NEO1: variants seen among roughly 807,000 people sequenced by gnomAD.
The protein encoded by NEO1 is neogenin.
NEO1 carries 63 observed loss-of-function variants against 159.7 expected under a neutral mutation model. The observed-to-expected ratio is 0.39, with a 90% CI of 0.32 to 0.49. The LOEUF is 0.49. Ranked by LOEUF, NEO1 falls within the 20% of genes least tolerant of loss-of-function variation. The pLI, the probability that NEO1 is intolerant of heterozygous loss-of-function variation, is 0.85. For missense variants in NEO1, 1,615 were observed against 1,831.0 expected, an observed-to-expected ratio of 0.88 and a Z score of 2.15; for synonymous variants, 633 against 662.0, an observed-to-expected ratio of 0.96 and a Z score of 0.67.
Position 73,064,618 on chromosome 15 carries a change from C to T in NEO1, c.130+11813C>T, listed in dbSNP as rs541806842. On this transcript the variant is annotated intron_variant, in intron 1 of 28. Transcript: ENST00000261908. ...TAGCTGGGACTACAGGTGCACACCA[C>T]CATGCCCAGCTAGTTTCTTAATTTT... 2.6e-5 allele frequency among the ~76,000 whole-genome samples: 4 copies of T among 152,230 alleles called. No individual in the cohort carries two copies. The East Asian group carries it at 7.7e-4, about 29-fold the overall frequency.
intron 18 of NEO1, among the ~76,000 whole-genome samples, chr15:73,271,541 T>G (rs776519819): frequency 6.6e-6 from 1 of 152,254 alleles, no homozygotes; most frequent in Non-Finnish European, 1.5e-5. Flanking sequence ...GCAGTATGTT[T>G]GCAGAATAAA....
intron 8 of NEO1, among the ~76,000 whole-genome samples, chr15:73,242,765 A>G (rs1621216): frequency 0.86 from 130,535 of 152,234 alleles, 57,045 homozygotes; most frequent in Non-Finnish European, 0.94. Flanking sequence ...GGTTGAGTAG[A>G]CTGAAAAGGA....
At position 73,052,714 on chromosome 15, in the gene NEO1, C is replaced by T. The variant is rs1334740309; in HGVS notation, c.39C>T (p.Thr13=). The change falls in exon 1 of 29, where the codon ACC becomes ACT. Residue 13 remains threonine (T), a synonymous_variant. Transcript: ENST00000261908. ...GGGGAGCCCGGCGACTCCTCAGCAC[C>T]CCCTCCTTCTGGCTCTACTGCCTGC... ...AERGARRLLS[T]PSFWLYCLLL... is the part of the protein sequence containing the mutation. 7.3e-7 allele frequency: 1 copy of T among 1,362,700 alleles called. No individual in the cohort carries two copies. The highest frequency in any genetic ancestry group is 9.5e-7 in the Non-Finnish European group (1 of 1,050,222). The allele number at this position is 1,362,700 out of a possible 1,614,324, so 84.4% of individuals were successfully genotyped here. A position where few individuals can be genotyped will look rare whatever the true frequency, so the allele number is the denominator to read the frequency against.
At chr15:73,241,527 A>G (rs2039486063) in intron 8 of NEO1, among the ~76,000 whole-genome samples, 1 of 152,192 alleles carries the variant, frequency 6.6e-6, no homozygotes, top group Non-Finnish European at 1.5e-5. Context: ...TTTAATACAT[A>G]AAGAAAGTGA....
At chr15:73,253,974 A>G (rs1044503081) in intron 12 of NEO1, among the ~76,000 whole-genome samples, 4 of 152,190 alleles carry the variant, frequency 2.6e-5, no homozygotes, top group African/African-American at 7.2e-5. Context: ...TTTGCCTCTC[A>G]GAGGCCCAGA....
intron 1 of NEO1, among the ~76,000 whole-genome samples, chr15:73,107,957 G>C (rs2070774419): frequency 6.6e-6 from 1 of 152,162 alleles, no homozygotes; most frequent in Non-Finnish European, 1.5e-5. Flanking sequence ...TAAGGCGGGA[G>C]GATGACTTGA....
At chr15:73,214,546 C>T (rs920631100) in intron 7 of NEO1, among the ~76,000 whole-genome samples, 5 of 151,992 alleles carry the variant, frequency 3.3e-5, no homozygotes, top group Admixed American at 2.0e-4. Context: ...CCCCACTTCA[C>T]GTTTTTGTTT....
chr15:73,077,926 C>T (rs1267601803), intron 1 of NEO1, among the ~76,000 whole-genome samples: 1 of 152,078 alleles, frequency 6.6e-6, no homozygotes, highest in East Asian at 1.9e-4. Context: ...CTGTCCATTG[C>T]GCAGGATGTT....
At chr15:73,167,990 A>G (rs1307538455) in intron 5 of NEO1, among the ~76,000 whole-genome samples, 1 of 152,176 alleles carries the variant, frequency 6.6e-6, no homozygotes, top group Admixed American at 6.5e-5. Context: ...TCAAGAGTGG[A>G]CTTAGGAGAA....
chr15:73,299,914 G>A (rs1302308146), intron 27 of NEO1: 2 of 152,138 alleles, frequency 1.3e-5, no homozygotes, highest in Admixed American at 1.3e-4. Context: ...GATAATTGTG[G>A]ATATTCTTTT....
chr15:73,286,818 A>G (rs1445904429), intron 23 of NEO1, among the ~76,000 whole-genome samples: 4 of 152,114 alleles, frequency 2.6e-5, no homozygotes, highest in Admixed American at 6.5e-5. Flanking sequence ...AAGACCTGTC[A>G]TGTCTGCCTC....
chr15:73,084,952 T>C (rs995063646), intron 1 of NEO1, among the ~76,000 whole-genome samples: 37 of 152,202 alleles, frequency 2.4e-4, no homozygotes, highest in Non-Finnish European at 5.3e-4. Context: ...GTGAACCAGG[T>C]ATACAGGGGC....
intron 4 of NEO1, among the ~76,000 whole-genome samples, chr15:73,128,419 T>C (rs1338577042): frequency 6.6e-6 from 1 of 152,184 alleles, no homozygotes; most frequent in Non-Finnish European, 1.5e-5. Context: ...ATTCTGAAGA[T>C]ATAAAACTTA....
At chr15:73,205,074 T>C (rs1376130964) in intron 7 of NEO1, among the ~76,000 whole-genome samples, 1 of 152,210 alleles carries the variant, frequency 6.6e-6, no homozygotes, top group South Asian at 2.1e-4. Flanking sequence ...AATAGTTGTT[T>C]CCGCTATTAT....
intron 5 of NEO1, among the ~76,000 whole-genome samples, chr15:73,167,977 C>A (rs184287336): frequency 1.7e-3 from 252 of 152,138 alleles, no homozygotes; most frequent in Admixed American, 5.4e-3. Context: ...GAAAGTCAGA[C>A]ACTCAAGAGT....
chr15:73,220,815 T>G (rs2038202511), intron 7 of NEO1, among the ~76,000 whole-genome samples: 1 of 152,190 alleles, frequency 6.6e-6, no homozygotes, highest in Non-Finnish European at 1.5e-5. Flanking sequence ...GTTATTATAG[T>G]TATACATTCG....
intron 16 of NEO1, among the ~76,000 whole-genome samples, chr15:73,267,237 G>A (rs1345034655): frequency 6.6e-6 from 1 of 152,162 alleles, no homozygotes; most frequent in African/African-American, 2.4e-5. Context: ...CAGGCTAGGC[G>A]ACAGAGAGAG....
rs773253510 is a variant in NEO1, at chr15:73,270,044, T to G, written c.2529T>G (p.Ala843=). Residue 843 remains alanine (A), a synonymous_variant, in exon 17 of 29, where the codon GCT becomes GCG. Transcript: ENST00000261908. ...AAGTTGATTTATTTGTTATTAATGC[T>G]CCATACACTCCAGTGCCAGATCCCA... The part of the protein sequence containing the change: ...TSEVDLFVIN[A]PYTPVPDPTP... The G allele has an allele frequency of 1.2e-6, 2 of 1,614,168 alleles. No individual in the cohort carries two copies. The highest frequency in any genetic ancestry group is 4.5e-5 in the East Asian group (2 of 44,882).
chr15:73,122,462 C>G, intron 2 of NEO1, 63 bp from the exon 3 acceptor site: 1 of 1,508,442 alleles, frequency 6.6e-7, no homozygotes, highest in Non-Finnish European at 8.9e-7. Context: ...TCCTGGCTCC[C>G]AAGACAAAAT....
Sources: gnomAD v4.1 joint callset for allele counts (sites outside exome capture counted in the v4.1 genomes callset) on GRCh38, gnomAD v4.1.1 for gene constraint, MANE v1.5 for transcripts, NCBI Gene and HGNC (gene_info 2026-07-23, HGNC 2026-07-21) for gene names.